Variants in FUT9 observed in about 807,000 individuals in gnomAD.
The protein encoded by FUT9 is fucosyltransferase 9, also known as 4-galactosyl-N-acetylglucosaminide 3-alpha-L-fucosyltransferase 9.
In FUT9, 15 loss-of-function variants were observed where a neutral mutation model predicts 29.7. The ratio of observed to expected loss-of-function variants is 0.51; its 90% CI spans 0.34 to 0.78. The LOEUF (loss-of-function observed/expected upper bound fraction) is 0.78, where lower values mean the gene tolerates loss of function less well. Among genes scored for constraint, FUT9 ranks in the 30% least tolerant of loss-of-function variants. The probability of loss-of-function intolerance (pLI) is 0.01; values close to 1 mark genes in which losing one functional copy is unlikely to be tolerated. For synonymous variants in FUT9, 169 were observed against 153.7 expected (o/e 1.10, Z -0.74); for missense variants, 319 against 425.4 (o/e 0.75, Z 2.20).
chr6:96,059,586 G>A (rs772912384), intron 1 of FUT9, among the ~76,000 whole-genome samples: 17 of 152,034 alleles, frequency 1.1e-4, no homozygotes, highest in Non-Finnish European at 2.4e-4. Flanking sequence ...CTTAAGGTTG[G>A]AGGAGATTTT....
At chr6:96,156,806 T>C (rs148196336) in intron 2 of FUT9, among the ~76,000 whole-genome samples, 147 of 152,330 alleles carry the variant, frequency 9.7e-4, no homozygotes, top group African/African-American at 3.1e-3. Flanking sequence ...CTTTTCATTT[T>C]ATTTCACCAT....
chr6:96,068,243 C>T (rs1037266596), intron 1 of FUT9, among the ~76,000 whole-genome samples: 1 of 151,612 alleles, frequency 6.6e-6, no homozygotes, highest in Non-Finnish European at 1.5e-5. Flanking sequence ...TTGGCTTGCC[C>T]AAGAGGAAAG....
intron 2 of FUT9, among the ~76,000 whole-genome samples, chr6:96,197,524 T>A (rs1246058009): frequency 1.3e-5 from 2 of 152,202 alleles, no homozygotes; most frequent in African/African-American, 2.4e-5. Flanking sequence ...TATGAATTTA[T>A]CTTGAAGATC....
intron 1 of FUT9, among the ~76,000 whole-genome samples, chr6:96,038,898 C>G (rs183082207): frequency 4.1e-4 from 62 of 152,204 alleles, no homozygotes; most frequent in African/African-American, 1.5e-3. Flanking sequence ...TCATTCTGCA[C>G]AGAATATCCT....
At chr6:96,168,121 A>G (rs555116661) in intron 2 of FUT9, among the ~76,000 whole-genome samples, 1 of 152,342 alleles carries the variant, frequency 6.6e-6, no homozygotes, top group Non-Finnish European at 1.5e-5. Context: ...GACTGGGTAG[A>G]ACATTGAATT....
At chr6:96,088,778 C>T (rs902053991) in intron 1 of FUT9, among the ~76,000 whole-genome samples, 2 of 133,656 alleles carry the variant, frequency 1.5e-5, no homozygotes, top group African/African-American at 5.9e-5. Context: ...TAGTCTATAT[C>T]TAAGTATTGC....
intron 1 of FUT9, among the ~76,000 whole-genome samples, chr6:96,056,300 G>A (rs190764575): frequency 2.8e-4 from 42 of 152,256 alleles, no homozygotes; most frequent in Admixed American, 2.6e-3. Context: ...AAGACAAATA[G>A]AATCTGGTTA....
intron 2 of FUT9, among the ~76,000 whole-genome samples, chr6:96,139,592 C>T (rs1311314499): frequency 6.6e-6 from 1 of 152,196 alleles, no homozygotes; most frequent in African/African-American, 2.4e-5. Context: ...TCCGCCCCTG[C>T]GGCAAACTTC....
At chr6:96,192,944 C>A (rs1582299983) in intron 2 of FUT9, among the ~76,000 whole-genome samples, 1 of 151,788 alleles carries the variant, frequency 6.6e-6, no homozygotes, top group Non-Finnish European at 1.5e-5. Flanking sequence ...CAAAAACAAG[C>A]AATGGGGAAA....
chr6:96,163,304 G>A (rs1464538538), intron 2 of FUT9, among the ~76,000 whole-genome samples: 10 of 138,330 alleles, frequency 7.2e-5, no homozygotes, highest in African/African-American at 2.6e-4. Context: ...TTGAAAACGA[G>A]AGTCTTGCTA....
At chr6:96,119,075 C>T (rs886953650) in intron 2 of FUT9, among the ~76,000 whole-genome samples, 3 of 151,984 alleles carry the variant, frequency 2.0e-5, no homozygotes, top group African/African-American at 7.3e-5. Flanking sequence ...TTACTGAAGA[C>T]AGAAAAACCT....
intron 2 of FUT9, among the ~76,000 whole-genome samples, chr6:96,132,077 C>G (rs1456105298): frequency 6.6e-6 from 1 of 152,090 alleles, no homozygotes; most frequent in Non-Finnish European, 1.5e-5. Flanking sequence ...TCCTGTCTCT[C>G]TACAAAATGC....
At chr6:96,182,017 T>G (rs1773318457) in intron 2 of FUT9, among the ~76,000 whole-genome samples, 2 of 152,146 alleles carry the variant, frequency 1.3e-5, no homozygotes, top group South Asian at 4.1e-4. Context: ...TTTGCCATAG[T>G]GGTTGTACTA....
chr6:96,098,084 A>G (rs748616936), intron 1 of FUT9, among the ~76,000 whole-genome samples: 1 of 145,128 alleles, frequency 6.9e-6, no homozygotes, highest in South Asian at 2.5e-4. Flanking sequence ...TGTCTGACAT[A>G]CTGACACTTA....
At chr6:96,188,403 A>G (rs1248996433) in intron 2 of FUT9, among the ~76,000 whole-genome samples, 1 of 152,058 alleles carries the variant, frequency 6.6e-6, no homozygotes, top group Non-Finnish European at 1.5e-5. Context: ...AGTAGCAAGC[A>G]ATCCTGCCTT....
At chr6:96,055,735 G>A (rs181584203) in intron 1 of FUT9, among the ~76,000 whole-genome samples, 139 of 135,828 alleles carry the variant, frequency 1.0e-3, no homozygotes, top group African/African-American at 2.5e-3. Context: ...CCTAGAGATA[G>A]GGTTCTGCCA....
intron 1 of FUT9, among the ~76,000 whole-genome samples, chr6:96,028,575 G>T (rs1295681367): frequency 1.3e-5 from 2 of 151,414 alleles, no homozygotes; most frequent in African/African-American, 4.8e-5. Context: ...ACACTGACTG[G>T]CACTGTAAAT....
In FUT9 at chr6:96,210,417, G is replaced by A. The variant is rs550387371; in HGVS notation, c.*6182G>A. The A allele has an allele frequency of 1.8e-5, 3 of 166,900 alleles. No individual in the cohort carries two copies. The highest frequency in any genetic ancestry group is 7.2e-5 in the African/African-American group (3 of 41,512). The allele number at this position is 166,900 out of a possible 1,614,324, so 10.3% of individuals were successfully genotyped here. On this transcript the variant is annotated 3_prime_UTR_variant, in exon 3 of 3. Transcript: ENST00000302103. ...TGAATGCACATTAGAACCATCTGGA[G>A]AGGCTTTAAAATTGCAGATGTCCAA...
intron 2 of FUT9, among the ~76,000 whole-genome samples, chr6:96,133,512 T>G (rs1772289829): frequency 6.6e-6 from 1 of 151,974 alleles, no homozygotes; most frequent in Non-Finnish European, 1.5e-5. Flanking sequence ...TACAACTGGT[T>G]GGTTAGGGAA....
Sources: gnomAD v4.1 joint callset for allele counts (sites outside exome capture counted in the v4.1 genomes callset) on GRCh38, gnomAD v4.1.1 for gene constraint, MANE v1.5 for transcripts, NCBI Gene and HGNC (gene_info 2026-07-23, HGNC 2026-07-21) for gene names.